The following ZNF30 variants were observed in gnomAD, a reference collection of about 807,000 sequenced individuals.
ZNF30 encodes the protein zinc finger protein 30, also known as zinc finger protein 30 (KOX 28).
ZNF30 carries 15 observed loss-of-function variants against 13.2 expected under a neutral mutation model. The observed-to-expected ratio is 1.13, with a 90% CI of 0.76 to 1.75. The LOEUF is 1.75. Ranked by LOEUF, ZNF30 falls within the 40% of genes most tolerant of loss-of-function variation. The pLI, the probability that ZNF30 is intolerant of heterozygous loss-of-function variation, is 0.00. For missense variants in ZNF30, 726 were observed against 757.0 expected (o/e 0.96, Z 0.48); for synonymous variants, 223 against 256.6 (o/e 0.87, Z 1.25).
chr19:34,941,547 C>T (rs570961258), intron 4 of ZNF30, among the ~76,000 whole-genome samples: 4 of 152,326 alleles, frequency 2.6e-5, no homozygotes, highest in South Asian at 4.1e-4. Flanking sequence ...AGGCGTGAGC[C>T]ACTGCACCCA....
chr19:34,923,859 G>T (rs1264834030), upstream of ZNF30: 1 of 152,144 alleles, frequency 6.6e-6, no homozygotes, highest in Non-Finnish European at 1.5e-5. Context: ...AACACAATTT[G>T]GTAAGTGGTT....
chr19:34,933,551 T>C (rs1163087378), intron 3 of ZNF30, 77 bp from the exon 4 acceptor site: 1 of 1,096,836 alleles, frequency 9.1e-7, no homozygotes, highest in Non-Finnish European at 1.4e-6. Context: ...CTTTCATTTA[T>C]GGCAAATTTA....
intron 4 of ZNF30, among the ~76,000 whole-genome samples, chr19:34,941,400 G>A (rs2013042253): frequency 6.6e-6 from 1 of 152,176 alleles, no homozygotes; most frequent in Admixed American, 6.5e-5. Context: ...AAGTAGCTGG[G>A]ATTACAAGTG....
intron 4 of ZNF30, among the ~76,000 whole-genome samples, chr19:34,937,848 G>A (rs2012823592): frequency 6.6e-6 from 1 of 152,106 alleles, no homozygotes; most frequent in African/African-American, 2.4e-5. Flanking sequence ...ACCCAGGCTA[G>A]AGTGCAGTGG....
rs147944357 is a variant in ZNF30, at chr19:34,944,673, A to C, written c.1707A>C (p.Glu569Asp). 1.4e-5 allele frequency: 22 copies of C among 1,612,628 alleles called. No homozygotes were observed. Among genetic ancestry groups the C allele is most frequent in the Admixed American group, 1.0e-4 (6 of 59,952 alleles). Reference sequence around the variant, plus strand: ...TTCACACTGGTGAGAAACCTTTTGAATGTAAGGAATGCGGGAAGGCCTTTA... The same window carrying C: ...TTCACACTGGTGAGAAACCTTTTGACTGTAAGGAATGCGGGAAGGCCTTTA... The part of the protein sequence containing the change: ...QSVHTGEKPF[E>D]CKECGKAFRL... The change falls in exon 5 of 5, where the codon GAA (glutamate) becomes GAC (aspartate). Residue 569 changes from glutamate to aspartate, a missense_variant. By Grantham distance (45) the Glu-to-Asp change is conservative (BLOSUM62 2). Transcript: ENST00000601142.
At chr19:34,940,074 C>T (rs2012957308) in intron 4 of ZNF30, among the ~76,000 whole-genome samples, 1 of 152,170 alleles carries the variant, frequency 6.6e-6, no homozygotes, top group South Asian at 2.1e-4. Context: ...AATACTAATT[C>T]TTACAAATAG....
intron 4 of ZNF30, among the ~76,000 whole-genome samples, chr19:34,939,852 G>A (rs1160801211): frequency 1.3e-5 from 2 of 152,206 alleles, no homozygotes; most frequent in Non-Finnish European, 2.9e-5. Flanking sequence ...AACTTAGGAT[G>A]ATGAGACGGA....
chr19:34,942,624 A>G, intron 4 of ZNF30: 1 of 1,289,310 alleles, frequency 7.8e-7, no homozygotes, highest in Admixed American at 2.3e-5. Flanking sequence ...CAAACAAAAC[A>G]TGCCAGAAGA....
intron 4 of ZNF30, chr19:34,942,626 G>T (rs1390212169): frequency 5.4e-6 from 7 of 1,289,224 alleles, no homozygotes; most frequent in Admixed American, 4.6e-5. Context: ...AACAAAACAT[G>T]CCAGAAGATT....
intron 4 of ZNF30, among the ~76,000 whole-genome samples, chr19:34,941,318 G>A (rs909227694): frequency 6.6e-6 from 1 of 152,210 alleles, no homozygotes; most frequent in Non-Finnish European, 1.5e-5. Context: ...AGGCTGGAGT[G>A]CAATGGCGCG....
intron 4 of ZNF30, among the ~76,000 whole-genome samples, chr19:34,939,860 G>A (rs2546012): frequency 0.48 from 73,613 of 151,796 alleles, 22,014 homozygotes; most frequent in African/African-American, 0.86. Context: ...ATGATGAGAC[G>A]GAAAAATGTT....
chr19:34,942,432 G>A (rs2013089579), intron 4 of ZNF30, among the ~76,000 whole-genome samples: 1 of 150,216 alleles, frequency 6.7e-6, no homozygotes, highest in African/African-American at 2.5e-5. Flanking sequence ...GGGCAAGAGT[G>A]AGATCCTATC....
chr19:34,945,111 G>T lies in ZNF30; in HGVS notation c.*273G>T. Reference sequence around the variant, plus strand: ...CTGACAGCATGAACTTTTATATGATGCATTTATTCTAATGTGATTGTATGA... The same window carrying T: ...CTGACAGCATGAACTTTTATATGATTCATTTATTCTAATGTGATTGTATGA... On this transcript the variant is annotated 3_prime_UTR_variant, in exon 5 of 5. Coordinates refer to ENST00000601142, the MANE Select transcript of ZNF30 (RefSeq NM_194325.3). 1 of 347,004 alleles carries T rather than the reference G, an allele frequency of 2.9e-6. No homozygotes were observed. The highest frequency in any genetic ancestry group is 5.2e-6 in the Non-Finnish European group (1 of 192,102). The allele number at this position is 347,004 out of a possible 1,614,324, so 21.5% of individuals were successfully genotyped here. A position where few individuals can be genotyped will look rare whatever the true frequency, so the allele number is the denominator to read the frequency against.
At chr19:34,925,134 C>T (rs1005923014), upstream of ZNF30, among the ~76,000 whole-genome samples, 17 of 152,198 alleles carry the variant, frequency 1.1e-4, no homozygotes, top group African/African-American at 4.1e-4. Flanking sequence ...GCTCTGACCC[C>T]ATGGCAGTGT....
At chr19:34,941,640 A>G (rs1438024363) in intron 4 of ZNF30, among the ~76,000 whole-genome samples, 2 of 152,152 alleles carry the variant, frequency 1.3e-5, no homozygotes, top group Non-Finnish European at 2.9e-5. Flanking sequence ...TCTTTTTCTG[A>G]CAAGGGGGAT....
intron 4 of ZNF30, among the ~76,000 whole-genome samples, chr19:34,934,982 T>A (rs535635828): frequency 2.1e-4 from 32 of 152,076 alleles, no homozygotes; most frequent in Admixed American, 1.6e-3. Context: ...GTAATCCCAG[T>A]ACTTTGGGAG....
Position 34,943,499 on chromosome 19 carries a change from A to T in ZNF30, c.533A>T (p.Tyr178Phe). ...RLHVGEKPYK[Y>F]EKCGKAFISG... ...CATGTTGGTGAGAAACCCTATAAAT[A>T]TGAAAAATGTGGGAAGGCCTTTATC... Residue 178 changes from tyrosine (Y) to phenylalanine (F), a missense_variant, in exon 5 of 5, where the codon TAT becomes TTT. Tyr to Phe is a conservative substitution (Grantham distance 22). Coordinates refer to ENST00000601142, the MANE Select transcript of ZNF30 (RefSeq NM_194325.3). 1 of 1,613,830 alleles carries T rather than the reference A, an allele frequency of 6.2e-7. No homozygotes were observed.
intron 4 of ZNF30, among the ~76,000 whole-genome samples, chr19:34,934,989 G>T (rs961108384): frequency 3.3e-5 from 5 of 152,130 alleles, no homozygotes; most frequent in African/African-American, 1.2e-4. Flanking sequence ...CAGTACTTTG[G>T]GAGGCTGAGG....
chr19:34,942,347 C>T (rs1039962657), intron 4 of ZNF30, among the ~76,000 whole-genome samples: 9 of 150,956 alleles, frequency 6.0e-5, no homozygotes, highest in East Asian at 1.9e-4. Context: ...CAGGAGGCTG[C>T]GGTGGGAGGG....
Sources: allele counts gnomAD v4.1 joint callset (sites outside exome capture counted in the v4.1 genomes callset), GRCh38; gene constraint gnomAD v4.1.1; transcripts MANE v1.5; gene names NCBI Gene and HGNC (gene_info 2026-07-23, HGNC 2026-07-21).